The following PEX11B variants were observed in gnomAD, a reference collection of about 807,000 sequenced individuals.
PEX11B encodes the protein peroxisomal membrane protein 11B.
A neutral mutation model predicts 28.2 loss-of-function variants in PEX11B; 18 were observed. That is an observed-to-expected ratio of 0.64 (90% CI 0.44 to 0.95). PEX11B has a LOEUF of 0.95. Among genes scored for constraint, PEX11B ranks in the 40% least tolerant of loss-of-function variants. PEX11B has a pLI of 0.00. For missense variants in PEX11B, 305 were observed against 319.8 expected, an observed-to-expected ratio of 0.95 and a Z score of 0.35; for synonymous variants, 128 against 128.7, an observed-to-expected ratio of 0.99 and a Z score of 0.04.
intron 1 of PEX11B, chr1:145,918,333 G>C: frequency 1.3e-6 from 2 of 1,511,600 alleles, no homozygotes; most frequent in Non-Finnish European, 1.8e-6. Flanking sequence ...ATCCACCGTG[G>C]GGCGAATGCT....
In PEX11B at chr1:145,915,475, TA is replaced by T. The variant is rs1195543893; in HGVS notation, c.374+1341del. Among the ~76,000 whole-genome samples the T allele has an allele frequency of 2.6e-5, 4 of 151,834 alleles. No homozygotes were observed. The East Asian group carries it at 7.7e-4, about 29-fold the overall frequency. On this transcript the variant is annotated intron_variant, in intron 3 of 3. Coordinates refer to ENST00000369306, the MANE Select transcript of PEX11B (RefSeq NM_003846.3). ...ACAATCATAGGAAAACGAAAAACAA[TA>T]CAGATAATATGTTAGAGAATTTTAC...
intron 1 of PEX11B, chr1:145,918,303 T>G: frequency 6.8e-7 from 1 of 1,480,326 alleles, no homozygotes; most frequent in Non-Finnish European, 9.0e-7. Flanking sequence ...TCCTCAGCTC[T>G]GGGGGCAGAG....
rs1486256226 is a variant in PEX11B at position 145,912,323 on chromosome 1, T to C, written c.618A>G (p.Pro206=). The C allele has an allele frequency of 6.8e-6, 11 of 1,613,970 alleles. No individual in the cohort carries two copies. Among genetic ancestry groups the C allele is most frequent in the Non-Finnish European group, 9.3e-6 (11 of 1,179,970 alleles). ...CATTTCTGACCACGTCTAGCAGAAG[T>C]GGGGGATGACCTCTAAGGACTCGAG... ...LLARVLRGHP[P]LLLDVVRNAC... The change falls in exon 4 of 4, where the codon CCA becomes CCG. Residue 206 remains proline, a synonymous_variant. Transcript: ENST00000369306.
Position 145,918,631 on chromosome 1 carries a change from A to G in PEX11B, c.56+2T>C. ...CCACCCCCATTCCTATTCGGGCCGCACCTACACAGCCGCTCCCGGGCTTGG... is the reference window on the plus strand; with the variant it reads ...CCACCCCCATTCCTATTCGGGCCGCGCCTACACAGCCGCTCCCGGGCTTGG... On this transcript the variant is annotated splice_donor_variant, in intron 1 of 3. Transcript: ENST00000369306. LOFTEE classifies it high-confidence loss of function. 4 of 1,264,218 alleles carry G rather than the reference A, an allele frequency of 3.2e-6. No individual in the cohort carries two copies. The highest frequency in any genetic ancestry group is 1.2e-5 in the South Asian group (1 of 82,496). 78.3% of individuals were successfully genotyped at this position (1,264,218 alleles called of 1,614,324 possible). A position where few individuals can be genotyped will look rare whatever the true frequency, so the allele number is the denominator to read the frequency against.
chr1:145,917,247 A>G (rs978543194), intron 2 of PEX11B, among the ~76,000 whole-genome samples: 3 of 152,110 alleles, frequency 2.0e-5, no homozygotes, highest in African/African-American at 7.2e-5. Context: ...CCTGGCCAAC[A>G]TGGTGTAACC....
At chr1:145,914,706 G>GA (rs1647281183) in intron 3 of PEX11B, among the ~76,000 whole-genome samples, 1 of 152,166 alleles carries the variant, frequency 6.6e-6, no homozygotes, top group South Asian at 2.1e-4. Context: ...CTTCAGGTAT[G>GA]AGCTTAAGTA....
In PEX11B at chr1:145,912,144, T is replaced by C; in HGVS notation, c.*17A>G. 6.4e-7 allele frequency: 1 copy of C among 1,563,338 alleles called. No homozygotes were observed. Among genetic ancestry groups the C allele is most frequent in the Non-Finnish European group, 8.7e-7 (1 of 1,153,132 alleles). On this transcript the variant is annotated 3_prime_UTR_variant, in exon 4 of 4. Coordinates refer to ENST00000369306, the MANE Select transcript of PEX11B (RefSeq NM_003846.3). ...ATCTCACCAATTCAGGTCCCCTCCT[T>C]ATCCTGTACCGGAAGGTCAGGGCTT...
rs1657818185 is a variant in PEX11B at position 145,912,098 on chromosome 1, T to C, written c.*63A>G. On this transcript the variant is annotated 3_prime_UTR_variant, in exon 4 of 4. Transcript: ENST00000369306. The stretch of plus-strand genomic sequence containing the variant: ...GTAGAATTCGAATGAGGCTGGCACA[T>C]GGGGGACGATCTAAGATTCCATCTC... 2 of 1,297,354 alleles carry C rather than the reference T, an allele frequency of 1.5e-6. No homozygotes were observed. The highest frequency in any genetic ancestry group is 2.1e-6 in the Non-Finnish European group (2 of 957,896). 80.4% of individuals were successfully genotyped at this position (1,297,354 alleles called of 1,614,324 possible).
intron 3 of PEX11B, among the ~76,000 whole-genome samples, chr1:145,916,136 C>T (rs1176922058): frequency 6.6e-6 from 1 of 152,194 alleles, no homozygotes; most frequent in Non-Finnish European, 1.5e-5. Context: ...TACTGTCAAT[C>T]ACACTGGCTT....
rs1454892893 is a variant in PEX11B at position 145,911,777 on chromosome 1, C to T, written c.*384G>A. On this transcript the variant is annotated 3_prime_UTR_variant, in exon 4 of 4. Transcript: ENST00000369306. ...GGCAGTTAGAACCTTACAGGCCAAA[C>T]CTTATACCTCCCCTATCAAAAAGTA... is the stretch of plus-strand genomic sequence containing the variant. 1.3e-5 allele frequency: 2 copies of T among 157,484 alleles called. No individual in the cohort carries two copies. Among genetic ancestry groups the T allele is most frequent in the Admixed American group, 1.3e-4 (2 of 15,436 alleles). 9.8% of individuals were successfully genotyped at this position (157,484 alleles called of 1,614,324 possible).
At chr1:145,913,611 A>ACT (rs1657901326) in intron 3 of PEX11B, among the ~76,000 whole-genome samples, 1 of 147,084 alleles carries the variant, frequency 6.8e-6, no homozygotes, top group Non-Finnish European at 1.5e-5. Context: ...ACACACACAC[A>ACT]CACACACACA....
intron 3 of PEX11B, among the ~76,000 whole-genome samples, chr1:145,914,387 A>C (rs1647270289): frequency 6.6e-6 from 1 of 151,520 alleles, no homozygotes; most frequent in Admixed American, 6.6e-5. Flanking sequence ...AAAAAAAAAA[A>C]CCAAAAACAA....
intron 3 of PEX11B, among the ~76,000 whole-genome samples, chr1:145,915,953 T>G (rs1168013923): frequency 1.3e-5 from 2 of 152,108 alleles, no homozygotes; most frequent in African/African-American, 4.8e-5. Context: ...TTTCAACATC[T>G]CAAAAAGAGA....
chr1:145,918,481 G>C (rs1647547321), intron 1 of PEX11B, 152 bp downstream of exon 1: 1 of 1,536,824 alleles, frequency 6.5e-7, no homozygotes, highest in Non-Finnish European at 8.7e-7. Flanking sequence ...TCTCAACAGC[G>C]GCTCAAATCT....
At chr1:145,914,335 T>C (rs1647263441) in intron 3 of PEX11B, among the ~76,000 whole-genome samples, 1 of 151,368 alleles carries the variant, frequency 6.6e-6, no homozygotes, top group Admixed American at 6.6e-5. Flanking sequence ...GATTGCACCA[T>C]TGCGCTCCAG....
chr1:145,913,048 A>G (rs1473961519), intron 3 of PEX11B, among the ~76,000 whole-genome samples: 3 of 149,122 alleles, frequency 2.0e-5, no homozygotes, highest in Non-Finnish European at 3.0e-5. Flanking sequence ...AGATCTCACC[A>G]CTGCACTCCG....
chr1:145,911,624 G>C lies in PEX11B; in HGVS notation c.*537C>G, dbSNP rs1553753048. ...GTGAGGTAGACATAAGGGAGGAAGA[G>C]GAAACATCCAACAACTTGTGGTGCA... On this transcript the variant is annotated 3_prime_UTR_variant, in exon 4 of 4. Transcript: ENST00000369306. 1 of 168,226 alleles carries C rather than the reference G, an allele frequency of 5.9e-6. No homozygotes were observed. Among genetic ancestry groups the C allele is most frequent in the African/African-American group, 2.3e-5 (1 of 42,894 alleles). 10.4% of individuals were successfully genotyped at this position (168,226 alleles called of 1,614,324 possible).
chr1:145,917,100 G>A (rs1461989930), intron 2 of PEX11B, 82 bp from the exon 3 acceptor site: 4 of 897,062 alleles, frequency 4.5e-6, no homozygotes, highest in Non-Finnish European at 5.6e-6. Context: ...AAAGCAAGAG[G>A]GCAAAAGTTG....
At chr1:145,918,389 GACACAGCA>G (rs1331649508) in intron 1 of PEX11B, 91 of 1,535,752 alleles carry the variant, frequency 5.9e-5, no homozygotes, top group Middle Eastern at 3.3e-4. Flanking sequence ...GTCTTATGTG[GACACAGCA>G]ACCCTGAGCG....
Sources: allele counts gnomAD v4.1 joint callset (sites outside exome capture counted in the v4.1 genomes callset), GRCh38; gene constraint gnomAD v4.1.1; transcripts MANE v1.5; gene names NCBI Gene and HGNC (gene_info 2026-07-23, HGNC 2026-07-21).